ADARB2: variants seen among roughly 807,000 people sequenced by gnomAD.
ADARB2 encodes adenosine deaminase RNA specific B2 (inactive).
In ADARB2, 25 loss-of-function variants were observed where a neutral mutation model predicts 62.2. The observed-to-expected ratio is 0.40, with a 90% CI of 0.29 to 0.56. ADARB2 has a LOEUF of 0.56. ADARB2 is among the 20% of genes least tolerant of loss of function. The probability of loss-of-function intolerance (pLI) is 0.43; values close to 1 mark genes in which losing one functional copy is unlikely to be tolerated. For missense variants in ADARB2, 1,071 were observed against 1,077.4 expected (o/e 0.99, Z 0.08); for synonymous variants, 572 against 500.8 (o/e 1.14, Z -1.90).
intron 8 of ADARB2, among the ~76,000 whole-genome samples, chr10:1,194,333 C>T (rs1462191336): frequency 6.6e-6 from 1 of 152,220 alleles, no homozygotes; most frequent in Non-Finnish European, 1.5e-5. Context: ...ATAAATTGTG[C>T]CTCCACATGG....
intron 1 of ADARB2, among the ~76,000 whole-genome samples, chr10:1,514,982 A>G (rs1315694149): frequency 6.6e-6 from 1 of 151,814 alleles, no homozygotes; most frequent in Non-Finnish European, 1.5e-5. Flanking sequence ...CGAAAGAGAC[A>G]GTAAAATGGA....
At chr10:1,553,105 C>T (rs1832651885) in intron 1 of ADARB2, among the ~76,000 whole-genome samples, 1 of 141,694 alleles carries the variant, frequency 7.1e-6, no homozygotes, top group Admixed American at 6.9e-5. Flanking sequence ...TCCTCGCAGC[C>T]CAGGCCAGCA....
intron 1 of ADARB2, among the ~76,000 whole-genome samples, chr10:1,445,583 C>T (rs1165779570): frequency 6.6e-6 from 1 of 152,202 alleles, no homozygotes; most frequent in Non-Finnish European, 1.5e-5. Context: ...TTACATGTTG[C>T]ATGTACTCAC....
At chr10:1,524,178 G>A (rs1293147588) in intron 1 of ADARB2, among the ~76,000 whole-genome samples, 2 of 152,110 alleles carry the variant, frequency 1.3e-5, no homozygotes, top group African/African-American at 4.8e-5. Flanking sequence ...TTTTGTAGGA[G>A]AGTCTGAGAC....
intron 1 of ADARB2, among the ~76,000 whole-genome samples, chr10:1,558,644 C>A (rs1477549828): frequency 1.4e-4 from 19 of 133,552 alleles, no homozygotes; most frequent in South Asian, 2.6e-4. Flanking sequence ...CCTCTGCCCC[C>A]CTCCGTGGGT....
intron 4 of ADARB2, among the ~76,000 whole-genome samples, chr10:1,245,970 C>T (rs1830982966): frequency 6.6e-6 from 1 of 151,614 alleles, no homozygotes; most frequent in African/African-American, 2.4e-5. Flanking sequence ...TAAAAGTGTT[C>T]CTATTTCTCC....
At chr10:1,728,000 CA>C (rs1360099060) in intron 1 of ADARB2, among the ~76,000 whole-genome samples, 1 of 152,226 alleles carries the variant, frequency 6.6e-6, no homozygotes, top group Non-Finnish European at 1.5e-5. Context: ...ACTTTAAAAT[CA>C]AGTGTTCTTT....
At chr10:1,580,163 C>A (rs1833077771) in intron 1 of ADARB2, among the ~76,000 whole-genome samples, 1 of 152,170 alleles carries the variant, frequency 6.6e-6, no homozygotes, top group Non-Finnish European at 1.5e-5. Context: ...GTTTGTTGCA[C>A]AGGTAAATCG....
In ADARB2 at chr10:1,262,207, G is replaced by C. The variant is rs193106189; in HGVS notation, c.1192+8748C>G. The stretch of plus-strand genomic sequence containing the variant: ...ACCTAATGCTAGATGACGAGTTAGT[G>C]GGTGCAGTACACCAGCATGGCACAT... On this transcript the variant is annotated intron_variant, in intron 4 of 9. Transcript: ENST00000381312. 1.6e-3 allele frequency among the ~76,000 whole-genome samples: 233 copies of C among 146,386 alleles called. 6 individuals carry two copies. In the East Asian group the frequency reaches 0.028, roughly 18 times the overall value.
rs75978268 is a variant in ADARB2 at position 1,298,720 on chromosome 10, ATTTTTTTTTTTTTTTTTTTTTTTTTTTT to A, written c.1078-27679_1078-27652del. ...GCCGACTATCCCATGTGCGACGGGA[ATTTTTTTTTTTTTTTTTTTTTTTTTTTT>A]TTTTTTTTTTTTTTTTTTTTTTTTA... On this transcript the variant is annotated intron_variant, in intron 3 of 9. Transcript: ENST00000381312. 3.8e-3 allele frequency among the ~76,000 whole-genome samples: 425 copies of A among 110,752 alleles called. 2 individuals carry two copies. The highest frequency in any genetic ancestry group is 0.013 in the Middle Eastern group (3 of 224). 72.7% of individuals were successfully genotyped at this position (110,752 alleles called of 152,430 possible).
At chr10:1,298,132 C>T (rs1445594123) in intron 3 of ADARB2, among the ~76,000 whole-genome samples, 1 of 152,192 alleles carries the variant, frequency 6.6e-6, no homozygotes, top group Non-Finnish European at 1.5e-5. Context: ...CACACATTGT[C>T]TCCATTGTGC....
chr10:1,371,938 G>A (rs1051875334), intron 2 of ADARB2, among the ~76,000 whole-genome samples: 1 of 152,092 alleles, frequency 6.6e-6, no homozygotes, highest in African/African-American at 2.4e-5. Context: ...ACCACCATTT[G>A]ACCCAGCAAT....
intron 1 of ADARB2, among the ~76,000 whole-genome samples, chr10:1,551,064 CTGA>C (rs1832614464): frequency 1.3e-5 from 2 of 152,296 alleles, no homozygotes; most frequent in South Asian, 2.1e-4. Context: ...CCTTACAGAG[CTGA>C]TGAAGATAAA....
chr10:1,567,128 G>C (rs1288274734), intron 1 of ADARB2, among the ~76,000 whole-genome samples: 1 of 152,106 alleles, frequency 6.6e-6, no homozygotes, highest in African/African-American at 2.4e-5. Flanking sequence ...TGTGGGTGAG[G>C]CTGAGGGTGA....
chr10:1,733,034 C>T (rs76852959), intron 1 of ADARB2, among the ~76,000 whole-genome samples: 1 of 152,166 alleles, frequency 6.6e-6, no homozygotes, highest in East Asian at 1.9e-4. Context: ...TAGAACAATA[C>T]CTAAATTTCA....
At chr10:1,577,329 A>G (rs1564336057) in intron 1 of ADARB2, among the ~76,000 whole-genome samples, 6 of 150,722 alleles carry the variant, frequency 4.0e-5, no homozygotes, top group Middle Eastern at 3.4e-3. Flanking sequence ...AAGGCCATCC[A>G]GAAGCTGCAG....
intron 3 of ADARB2, among the ~76,000 whole-genome samples, chr10:1,322,469 T>C (rs891245893): frequency 1.1e-4 from 16 of 152,202 alleles, no homozygotes; most frequent in Non-Finnish European, 1.0e-4. Context: ...ATGTGGCAAT[T>C]AATCTAGGTA....
At chr10:1,197,812 T>C (rs1836930954) in intron 8 of ADARB2, among the ~76,000 whole-genome samples, 1 of 152,222 alleles carries the variant, frequency 6.6e-6, no homozygotes, top group Admixed American at 6.5e-5. Flanking sequence ...TTTTTCTTGA[T>C]GAAGAGAAAT....
rs1831149076 is a variant in ADARB2, at chr10:1,459,978, AGC to A, written c.101-80820_101-80819del. Among the ~76,000 whole-genome samples, 3 of 116,018 alleles carry A rather than the reference AGC, an allele frequency of 2.6e-5. 1 individual carries two copies. The highest frequency in any genetic ancestry group is 9.4e-5 in the African/African-American group (3 of 31,898). The allele number at this position is 116,018 out of a possible 152,430, so 76.1% of individuals were successfully genotyped here. ...GCCTGTGACCTGAGTTTACCTGTGT[AGC>A]AAACCTGCCTGTGACCTGAGTTTAC... On this transcript the variant is annotated intron_variant, in intron 1 of 9. Coordinates refer to ENST00000381312, the MANE Select transcript of ADARB2 (RefSeq NM_018702.4).
Sources: allele counts gnomAD v4.1 joint callset (sites outside exome capture counted in the v4.1 genomes callset), GRCh38; gene constraint gnomAD v4.1.1; transcripts MANE v1.5; gene names NCBI Gene and HGNC (gene_info 2026-07-23, HGNC 2026-07-21).